The following NELL1 variants were observed in gnomAD, a reference collection of about 807,000 sequenced individuals.
NELL1 encodes the protein neural EGFL like 1, also known as protein kinase C-binding protein NELL1.
A neutral mutation model predicts 107.4 loss-of-function variants in NELL1; 76 were observed. That is an observed-to-expected ratio of 0.71 (90% CI 0.59 to 0.86). The LOEUF (loss-of-function observed/expected upper bound fraction) is 0.86. Among genes scored for constraint, NELL1 ranks in the 40% least tolerant of loss-of-function variants. The pLI is 0.00. For synonymous variants in NELL1, 353 were observed against 341.2 expected, an observed-to-expected ratio of 1.03 and a Z score of -0.38; for missense variants, 1,024 against 1,005.5, an observed-to-expected ratio of 1.02 and a Z score of -0.25.
intron 14 of NELL1, among the ~76,000 whole-genome samples, chr11:21,362,276 C>A (rs1337766240): frequency 6.6e-6 from 1 of 152,070 alleles, no homozygotes; most frequent in South Asian, 2.1e-4. Flanking sequence ...TTGGTTCTAG[C>A]CACCCAGCAG....
At chr11:21,127,937 C>A (rs1229024033) in intron 13 of NELL1, among the ~76,000 whole-genome samples, 1 of 152,128 alleles carries the variant, frequency 6.6e-6, no homozygotes, top group African/African-American at 2.4e-5. Context: ...TCTCTGTCTT[C>A]ATTTGTTTTT....
chr11:21,350,095 T>A (rs1304673029), intron 14 of NELL1, among the ~76,000 whole-genome samples: 1 of 152,102 alleles, frequency 6.6e-6, no homozygotes, highest in African/African-American at 2.4e-5. Context: ...ATCACATCCA[T>A]TTTTTTCTGA....
intron 13 of NELL1, among the ~76,000 whole-genome samples, chr11:21,164,684 ACAATT>A (rs1468954905): frequency 6.6e-6 from 1 of 152,212 alleles, no homozygotes; most frequent in Non-Finnish European, 1.5e-5. Flanking sequence ...CAAGGAAAGT[ACAATT>A]CTTCTTGAGA....
At chr11:21,041,704 T>C (rs1853236557) in intron 12 of NELL1, among the ~76,000 whole-genome samples, 1 of 152,204 alleles carries the variant, frequency 6.6e-6, no homozygotes, top group Non-Finnish European at 1.5e-5. Flanking sequence ...TAGACCTTGA[T>C]TTAGTTATGT....
intron 13 of NELL1, 131 bp downstream of exon 13, chr11:21,113,845 C>T: frequency 2.2e-6 from 2 of 895,346 alleles, no homozygotes; most frequent in Non-Finnish European, 3.2e-6. Context: ...ATTACTTCAC[C>T]CCACCTTTTG....
chr11:21,259,687 A>C (rs1590781364), intron 14 of NELL1, among the ~76,000 whole-genome samples: 2 of 152,060 alleles, frequency 1.3e-5, no homozygotes, highest in African/African-American at 4.8e-5. Flanking sequence ...AAGAAGATGC[A>C]AAATACTAAG....
chr11:21,194,411 C>A (rs1857109015), intron 13 of NELL1, among the ~76,000 whole-genome samples: 1 of 152,104 alleles, frequency 6.6e-6, no homozygotes, highest in Non-Finnish European at 1.5e-5. Flanking sequence ...ACCTTCATTT[C>A]TTTCTGGAAG....
chr11:21,008,758 T>A (rs554898940), intron 12 of NELL1, among the ~76,000 whole-genome samples: 1 of 152,256 alleles, frequency 6.6e-6, no homozygotes, highest in East Asian at 1.9e-4. Flanking sequence ...GGGGCAGAGA[T>A]AACTTTCTTT....
intron 15 of NELL1, among the ~76,000 whole-genome samples, chr11:21,483,354 A>C (rs73469144): frequency 0.091 from 13,792 of 152,180 alleles, 1,011 homozygotes; most frequent in African/African-American, 0.2. Context: ...TATACTCCCC[A>C]AAAAGGATAC....
intron 14 of NELL1, among the ~76,000 whole-genome samples, chr11:21,332,220 A>T (rs1339057338): frequency 6.6e-6 from 1 of 151,950 alleles, no homozygotes; most frequent in African/African-American, 2.4e-5. Flanking sequence ...TATTCTAAGG[A>T]TGCACTGCTT....
chr11:20,940,684 A>G (rs1850833254), intron 10 of NELL1, among the ~76,000 whole-genome samples: 1 of 152,314 alleles, frequency 6.6e-6, no homozygotes. Flanking sequence ...CGGGAACATC[A>G]TTCTGCATTC....
intron 17 of NELL1, among the ~76,000 whole-genome samples, chr11:21,564,038 G>T (rs765512817): frequency 6.6e-6 from 1 of 151,960 alleles, no homozygotes; most frequent in African/African-American, 2.4e-5. Flanking sequence ...AGGAGATTAT[G>T]ATGAGCCAGG....
intron 5 of NELL1, among the ~76,000 whole-genome samples, chr11:20,910,677 G>A (rs1371286439): frequency 1.3e-5 from 2 of 152,144 alleles, no homozygotes; most frequent in Non-Finnish European, 2.9e-5. Context: ...AGTTTATGTG[G>A]GTGTTTATTT....
chr11:21,534,124 G>GAGTT (rs1856068241), intron 15 of NELL1, among the ~76,000 whole-genome samples: 1 of 152,254 alleles, frequency 6.6e-6, no homozygotes, highest in South Asian at 2.1e-4. Flanking sequence ...CACAGCTTTT[G>GAGTT]AGTTAGGATT....
At chr11:21,395,917 A>G (rs1851970511) in intron 15 of NELL1, among the ~76,000 whole-genome samples, 1 of 151,500 alleles carries the variant, frequency 6.6e-6, no homozygotes, top group African/African-American at 2.4e-5. Context: ...ACAAAAAAAC[A>G]AAAAAAGATC....
chr11:21,419,147 A>G (rs1422806518), intron 15 of NELL1, among the ~76,000 whole-genome samples: 1 of 152,082 alleles, frequency 6.6e-6, no homozygotes, highest in Non-Finnish European at 1.5e-5. Context: ...TCTGTAATGC[A>G]CGACCTTTGA....
At chr11:21,519,119 T>C (rs932210316) in intron 15 of NELL1, among the ~76,000 whole-genome samples, 17 of 152,176 alleles carry the variant, frequency 1.1e-4, no homozygotes, top group African/African-American at 4.1e-4. Context: ...AGAATGAACA[T>C]AGTAGGAATT....
intron 3 of NELL1, among the ~76,000 whole-genome samples, chr11:20,814,044 G>A (rs1214222466): frequency 1.3e-5 from 2 of 151,782 alleles, no homozygotes; most frequent in African/African-American, 4.8e-5. Context: ...CACCCAGGCT[G>A]GAGTGCAGTG....
At chr11:21,353,873 T>G (rs564269810) in intron 14 of NELL1, among the ~76,000 whole-genome samples, 5 of 152,346 alleles carry the variant, frequency 3.3e-5, no homozygotes, top group Non-Finnish European at 5.9e-5. Context: ...GACAGACTGT[T>G]AACCCCATAA....
Sources: allele counts gnomAD v4.1 joint callset (sites outside exome capture counted in the v4.1 genomes callset), GRCh38; gene constraint gnomAD v4.1.1; transcripts MANE v1.5; gene names NCBI Gene and HGNC (gene_info 2026-07-23, HGNC 2026-07-21).